BCKDHA: variants seen among roughly 807,000 people sequenced by gnomAD.
The protein encoded by BCKDHA is 2-oxoisovalerate dehydrogenase subunit alpha, mitochondrial.
BCKDHA carries 43 observed loss-of-function variants against 52.2 expected under a neutral mutation model. The ratio of observed to expected loss-of-function variants is 0.82; its 90% CI spans 0.64 to 1.06. The LOEUF is 1.06. Ranked by LOEUF, BCKDHA falls within the 50% of genes least tolerant of loss-of-function variation. BCKDHA has a pLI of 0.00. For synonymous variants in BCKDHA, 234 were observed against 247.9 expected (o/e 0.94, Z 0.53); for missense variants, 527 against 621.3 (o/e 0.85, Z 1.61).
chr19:41,403,280 G>A (rs1417163543), intron 1 of BCKDHA, among the ~76,000 whole-genome samples: 1 of 152,144 alleles, frequency 6.6e-6, no homozygotes, highest in Non-Finnish European at 1.5e-5. Context: ...CCCTAGATAC[G>A]GAGGACTTGG....
chr19:41,416,374 C>T (rs2039308293), intron 4 of BCKDHA, among the ~76,000 whole-genome samples: 1 of 152,210 alleles, frequency 6.6e-6, no homozygotes, highest in Non-Finnish European at 1.5e-5. Context: ...GAGGCACCTC[C>T]CCCATCCATG....
At chr19:41,406,199 G>A (rs2039191045) in intron 1 of BCKDHA, among the ~76,000 whole-genome samples, 1 of 152,190 alleles carries the variant, frequency 6.6e-6, no homozygotes, top group Non-Finnish European at 1.5e-5. Flanking sequence ...AGTATGTGGA[G>A]CACACTGGGG....
rs372740934 is a variant in BCKDHA at position 41,413,681 on chromosome 19, C to T, written c.376-368C>T. ...TGTTATCTGGGTGCCATCTCCTCTC[C>T]CTCCTCATCTTTCCCCACCCCTACC... On this transcript the variant is annotated intron_variant, in intron 3 of 8. Transcript: ENST00000269980. 1.1e-4 allele frequency among the ~76,000 whole-genome samples: 17 copies of T among 152,286 alleles called. No homozygotes were observed. In the East Asian group the frequency reaches 3.1e-3, roughly 28 times the overall value.
chr19:41,401,351 C>T lies in BCKDHA; in HGVS notation c.108+3416C>T, dbSNP rs145554289. 8.1e-4 allele frequency among the ~76,000 whole-genome samples: 123 copies of T among 152,270 alleles called. 1 individual carries two copies. The East Asian group carries it at 0.012, about 15-fold the overall frequency. ...TCGGCCTCCCAGAGTGCTGGGATTACAGGTGTGAGCCACCATGCCTGGCTA... is the reference window on the plus strand; with the variant it reads ...TCGGCCTCCCAGAGTGCTGGGATTATAGGTGTGAGCCACCATGCCTGGCTA... On this transcript the variant is annotated intron_variant, in intron 1 of 8. Coordinates refer to ENST00000269980, the MANE Select transcript of BCKDHA (RefSeq NM_000709.4).
At chr19:41,424,009 T>G (rs1244708743) in intron 8 of BCKDHA, among the ~76,000 whole-genome samples, 1 of 145,638 alleles carries the variant, frequency 6.9e-6, no homozygotes, top group Non-Finnish European at 1.5e-5. Flanking sequence ...AAAAAAAAGC[T>G]GGTTTGAGGA....
At chr19:41,419,324 C>A in intron 5 of BCKDHA, 28 bp downstream of exon 5, 1 of 1,598,574 alleles carries the variant, frequency 6.3e-7, no homozygotes, top group Non-Finnish European at 8.5e-7. Context: ...GTACCTTGCA[C>A]ATGTGCAGAC....
chr19:41,418,879 T>C (rs2122133809), intron 4 of BCKDHA: 1 of 493,466 alleles, frequency 2.0e-6, no homozygotes, highest in East Asian at 3.9e-5. Context: ...TTAAAGGTAA[T>C]TGAATTAGTT....
At chr19:41,417,403 C>T (rs1216615915) in intron 4 of BCKDHA, among the ~76,000 whole-genome samples, 1 of 152,158 alleles carries the variant, frequency 6.6e-6, no homozygotes, top group African/African-American at 2.4e-5. Context: ...AAGCCTGATT[C>T]CAAGGTCCTG....
chr19:41,401,618 A>T (rs1434765194), intron 1 of BCKDHA, among the ~76,000 whole-genome samples: 2 of 152,152 alleles, frequency 1.3e-5, no homozygotes, highest in Non-Finnish European at 2.9e-5. Flanking sequence ...CTCTGTTATC[A>T]TAGCAGACGT....
intron 1 of BCKDHA, among the ~76,000 whole-genome samples, chr19:41,406,345 C>T (rs2241709): frequency 0.58 from 88,243 of 151,972 alleles, 25,843 homozygotes; most frequent in Middle Eastern, 0.62. Context: ...ATCAGCATGC[C>T]GTCTCCCCTG....
chr19:41,423,501 C>T (rs2039393142), intron 8 of BCKDHA, among the ~76,000 whole-genome samples: 2 of 152,064 alleles, frequency 1.3e-5, no homozygotes, highest in African/African-American at 4.8e-5. Flanking sequence ...TGAGAACAGC[C>T]TGGCCAAACA....
chr19:41,405,878 G>T (rs896235763), intron 1 of BCKDHA, among the ~76,000 whole-genome samples: 1 of 152,180 alleles, frequency 6.6e-6, no homozygotes, highest in Non-Finnish European at 1.5e-5. Context: ...TTTCCTGCAT[G>T]GTGGGAGAGG....
chr19:41,400,171 A>G (rs1462524909), intron 1 of BCKDHA, among the ~76,000 whole-genome samples: 2 of 151,660 alleles, frequency 1.3e-5, no homozygotes, highest in South Asian at 2.1e-4. Context: ...GGCTCAAGCA[A>G]TCCCCCCACC....
chr19:41,422,298 A>G lies in BCKDHA; in HGVS notation c.781A>G (p.Ile261Val), dbSNP rs897602354. The stretch of plus-strand genomic sequence containing the variant: ...CGCTGCCACACTTGAGTGCCCCATC[A>G]TCTTCTTCTGCCGGAACAATGGCTA... ...NFAATLECPI[I>V]FFCRNNGYAI... The change falls in exon 6 of 9, where the codon ATC becomes GTC. Residue 261 changes from isoleucine to valine, a missense_variant. Physicochemically the swap from Ile to Val is conservative, Grantham distance 29 (BLOSUM62 3). Coordinates refer to ENST00000269980, the MANE Select transcript of BCKDHA (RefSeq NM_000709.4). The G allele has an allele frequency of 2.5e-6, 4 of 1,614,078 alleles. No individual in the cohort carries two copies. Among genetic ancestry groups the G allele is most frequent in the Non-Finnish European group, 3.4e-6 (4 of 1,180,020 alleles).
chr19:41,419,260 A>T lies in BCKDHA; in HGVS notation c.610A>T (p.Thr204Ser), dbSNP rs1380097342. Reference sequence around the variant, plus strand: ...CGGCTGCAAGGAACGCCACTTCGTCACTATCTCCTCTCCACTGGCCACGCA... The same window carrying T: ...CGGCTGCAAGGAACGCCACTTCGTCTCTATCTCCTCTCCACTGGCCACGCA... ...HYGCKERHFV[T>S]ISSPLATQIP... is the part of the protein sequence containing the mutation. The change falls in exon 5 of 9, where the codon ACT becomes TCT. Residue 204 changes from threonine (T) to serine (S), a missense_variant. By Grantham distance (58) the Thr-to-Ser change is moderately conservative. Coordinates refer to ENST00000269980, the MANE Select transcript of BCKDHA (RefSeq NM_000709.4). 2.5e-6 allele frequency: 4 copies of T among 1,614,098 alleles called. No homozygotes were observed.
At chr19:41,405,531 G>C (rs1042465335) in intron 1 of BCKDHA, among the ~76,000 whole-genome samples, 2 of 151,836 alleles carry the variant, frequency 1.3e-5, no homozygotes, top group African/African-American at 2.4e-5. Context: ...CTCCCTCCTT[G>C]GCCTCCCAAA....
intron 7 of BCKDHA, 65 bp downstream of exon 7, chr19:41,422,835 A>G (rs2039384262): frequency 1.2e-6 from 2 of 1,607,852 alleles, no homozygotes; most frequent in Non-Finnish European, 1.7e-6. Flanking sequence ...TCTTCCTCAT[A>G]TCGATCACTG....
At chr19:41,418,850 T>G in intron 4 of BCKDHA, 1 of 441,488 alleles carries the variant, frequency 2.3e-6, no homozygotes, top group Non-Finnish European at 4.3e-6. Flanking sequence ...ATAGTAATGA[T>G]TTATGGTTAG....
rs372125840 is a variant in BCKDHA, at chr19:41,424,625, C to T, written c.*17C>T. Reference sequence around the variant, plus strand: ...GATAAGTGAGACCTGCTCAGCCCACCCCCACCCATCCTCAGCTACCCCGAG... The same window carrying T: ...GATAAGTGAGACCTGCTCAGCCCACTCCCACCCATCCTCAGCTACCCCGAG... On this transcript the variant is annotated 3_prime_UTR_variant, in exon 9 of 9. Transcript: ENST00000269980. 8.0e-4 allele frequency: 1,248 copies of T among 1,566,446 alleles called. 20 individuals are homozygous for T. In the South Asian group the frequency reaches 0.014, roughly 17 times the overall value.
Sources: allele counts gnomAD v4.1 joint callset (sites outside exome capture counted in the v4.1 genomes callset), GRCh38; gene constraint gnomAD v4.1.1; transcripts MANE v1.5; gene names NCBI Gene and HGNC (gene_info 2026-07-23, HGNC 2026-07-21).